The following AFF4 variants were observed in gnomAD, a reference collection of about 807,000 sequenced individuals.
AFF4 encodes ALF transcription elongation factor 4.
AFF4 carries 13 observed loss-of-function variants against 124.8 expected under a neutral mutation model. That is an observed-to-expected ratio of 0.10 (90% CI 0.07 to 0.17). The LOEUF is 0.17. Among genes scored for constraint, AFF4 ranks in the 10% least tolerant of loss-of-function variants. The pLI is 1.00. For missense variants in AFF4, 1,092 were observed against 1,403.8 expected (o/e 0.78, Z 3.55); for synonymous variants, 477 against 496.1 (o/e 0.96, Z 0.51).
rs1024505925 is a variant in AFF4, at chr5:132,877,622, A to T, written c.*3437T>A. 4.8e-6 allele frequency: 1 copy of T among 209,626 alleles called. No individual in the cohort carries two copies. The highest frequency in any genetic ancestry group is 9.7e-6 in the Non-Finnish European group (1 of 102,882). 13.0% of individuals were successfully genotyped at this position (209,626 alleles called of 1,614,324 possible). A position where few individuals can be genotyped will look rare whatever the true frequency, so the allele number is the denominator to read the frequency against. ...AGTGCACAGTGTACTCCTCCTCTAT[A>T]TAACTAGGCATCACTGACTGGAACA... On this transcript the variant is annotated 3_prime_UTR_variant, in exon 21 of 21. Transcript: ENST00000265343.
At chr5:132,942,691 C>T (rs936778551) in intron 1 of AFF4, among the ~76,000 whole-genome samples, 8 of 152,232 alleles carry the variant, frequency 5.3e-5, no homozygotes, top group Admixed American at 3.9e-4. Flanking sequence ...CTCAAACTCC[C>T]GACCTCAGGT....
chr5:132,936,825 G>A (rs1450653585), intron 2 of AFF4, among the ~76,000 whole-genome samples: 2 of 152,122 alleles, frequency 1.3e-5, no homozygotes, highest in Non-Finnish European at 2.9e-5. Flanking sequence ...GTTGTATGAA[G>A]CTGTTGATGC....
At chr5:132,890,435 C>G (rs1052074181) in intron 13 of AFF4, among the ~76,000 whole-genome samples, 3 of 151,906 alleles carry the variant, frequency 2.0e-5, no homozygotes, top group African/African-American at 4.8e-5. Context: ...TGCCTGGCCC[C>G]CTCTATGTTT....
At position 132,880,967 on chromosome 5, in the gene AFF4, A is replaced by G. The variant is rs1473426498; in HGVS notation, c.*92T>C. The stretch of plus-strand genomic sequence containing the variant: ...GAGGAGAAAACTATTCCTCATTCTT[A>G]GTGTCGACTAGGTGGTATGTTATGG... On this transcript the variant is annotated 3_prime_UTR_variant, in exon 21 of 21. Coordinates refer to ENST00000265343, the MANE Select transcript of AFF4 (RefSeq NM_014423.4). The G allele has an allele frequency of 6.9e-7, 1 of 1,440,678 alleles. No individual in the cohort carries two copies. The highest frequency in any genetic ancestry group is 1.4e-5 in the African/African-American group (1 of 69,276). The allele number at this position is 1,440,678 out of a possible 1,614,324, so 89.2% of individuals were successfully genotyped here. A position where few individuals can be genotyped will look rare whatever the true frequency, so the allele number is the denominator to read the frequency against.
At chr5:132,903,074 G>C (rs982783252) in intron 6 of AFF4, among the ~76,000 whole-genome samples, 9 of 152,124 alleles carry the variant, frequency 5.9e-5, no homozygotes, top group Non-Finnish European at 1.2e-4. Flanking sequence ...TCAGAAAAGA[G>C]AATGAGAGAA....
chr5:132,956,034 A>AT lies in AFF4; in HGVS notation c.-5+7224dup, dbSNP rs1476655575. On this transcript the variant is annotated intron_variant, in intron 1 of 20. Coordinates refer to ENST00000265343, the MANE Select transcript of AFF4 (RefSeq NM_014423.4). The stretch of plus-strand genomic sequence containing the variant: ...ATGTAAATATATGTGTATTATACTC[A>AT]TATGTATTACACAAATATACATATT... 2.6e-5 allele frequency among the ~76,000 whole-genome samples: 4 copies of AT among 151,236 alleles called. No homozygotes were observed. In the Admixed American group the frequency reaches 2.7e-4, roughly 10 times the overall value.
intron 11 of AFF4, among the ~76,000 whole-genome samples, chr5:132,894,060 C>T (rs540319065): frequency 2.6e-4 from 40 of 152,226 alleles, no homozygotes; most frequent in Admixed American, 2.0e-3. Flanking sequence ...TTATTCATTT[C>T]GTTTAGTCAT....
At chr5:132,938,453 A>G (rs1275226865) in intron 1 of AFF4, among the ~76,000 whole-genome samples, 1 of 151,490 alleles carries the variant, frequency 6.6e-6, no homozygotes, top group Non-Finnish European at 1.5e-5. Context: ...TTTAGTAGAG[A>G]CAGGATTTCA....
At chr5:132,942,328 A>G (rs1761589711) in intron 1 of AFF4, among the ~76,000 whole-genome samples, 1 of 152,234 alleles carries the variant, frequency 6.6e-6, no homozygotes, top group African/African-American at 2.4e-5. Context: ...CGTCAAATGA[A>G]GAGTTACAGA....
chr5:132,885,254 G>A, intron 18 of AFF4, 135 bp from the exon 19 acceptor site: 1 of 28,466 alleles, frequency 3.5e-5, no homozygotes, highest in Non-Finnish European at 1.0e-4. Flanking sequence ...AAATACGTGT[G>A]TGTGTGTGTG....
rs1377009585 is a variant in AFF4 at position 132,939,039 on chromosome 5, T to G, written c.-4-1846A>C. ...GATCGCTTGACCTGCCTAGCCAACA[T>G]GACAAAACTGCATCTCTACTAAAAA... On this transcript the variant is annotated intron_variant, in intron 1 of 20. Transcript: ENST00000265343. Among the ~76,000 whole-genome samples the G allele has an allele frequency of 8.7e-5, 12 of 138,302 alleles. No homozygotes were observed. In the East Asian group the frequency reaches 2.6e-3, roughly 30 times the overall value. The allele number at this position is 138,302 out of a possible 152,430, so 90.7% of individuals were successfully genotyped here.
At chr5:132,934,054 C>A in intron 3 of AFF4, 93 bp downstream of exon 3, 1 of 1,349,146 alleles carries the variant, frequency 7.4e-7, no homozygotes, top group Non-Finnish European at 1.0e-6. Flanking sequence ...ACTATTAAGG[C>A]AAGGAAGCAG....
intron 5 of AFF4, among the ~76,000 whole-genome samples, chr5:132,918,361 A>T (rs1289946617): frequency 6.8e-6 from 1 of 147,086 alleles, no homozygotes; most frequent in Non-Finnish European, 1.5e-5. Context: ...ACTCTGTCTC[A>T]CACACACACA....
chr5:132,963,150 G>A lies in AFF4; in HGVS notation c.-5+109C>T, dbSNP rs1762119571. The A allele has an allele frequency of 1.4e-5, 5 of 366,036 alleles. No homozygotes were observed. The South Asian group carries it at 5.9e-4, about 43-fold the overall frequency. The allele number at this position is 366,036 out of a possible 1,614,324, so 22.7% of individuals were successfully genotyped here. A position where few individuals can be genotyped will look rare whatever the true frequency, so the allele number is the denominator to read the frequency against. ...TGATTGAGCAGCCCCAGCCCGGAGG[G>A]TCTCCCCGAGGCTCCCCGCAGAACT... is the stretch of plus-strand genomic sequence containing the variant. On this transcript the variant is annotated intron_variant, in intron 1 of 20. Transcript: ENST00000265343.
At chr5:132,915,919 T>C (rs561473769) in intron 5 of AFF4, among the ~76,000 whole-genome samples, 5 of 151,976 alleles carry the variant, frequency 3.3e-5, no homozygotes, top group South Asian at 2.1e-4. Context: ...ATTGTTCCTA[T>C]AGATAGAATT....
At chr5:132,918,161 G>A (rs549794566) in intron 5 of AFF4, among the ~76,000 whole-genome samples, 31 of 152,044 alleles carry the variant, frequency 2.0e-4, no homozygotes, top group African/African-American at 7.5e-4. Flanking sequence ...GGGAGGCCAA[G>A]GTGGGCAGAC....
At chr5:132,908,757 CATAT>C (rs1206698351) in intron 5 of AFF4, among the ~76,000 whole-genome samples, 29 of 136,130 alleles carry the variant, frequency 2.1e-4, no homozygotes, top group Middle Eastern at 3.9e-3. Context: ...TATATATATA[CATAT>C]ATATATATAT....
intron 11 of AFF4, among the ~76,000 whole-genome samples, chr5:132,893,975 A>T (rs544926275): frequency 6.6e-6 from 1 of 152,292 alleles, no homozygotes; most frequent in Non-Finnish European, 1.5e-5. Flanking sequence ...TAACATTTTT[A>T]AGGTTCATCC....
chr5:132,908,616 T>C (rs1355502944), intron 5 of AFF4, among the ~76,000 whole-genome samples: 3 of 151,724 alleles, frequency 2.0e-5, no homozygotes, highest in Admixed American at 2.0e-4. Context: ...TTTACAGTAT[T>C]CATATTAGAA....
Sources: allele counts gnomAD v4.1 joint callset (sites outside exome capture counted in the v4.1 genomes callset), GRCh38; gene constraint gnomAD v4.1.1; transcripts MANE v1.5; gene names NCBI Gene and HGNC (gene_info 2026-07-23, HGNC 2026-07-21).